Variants in TPTE observed in about 807,000 individuals in gnomAD.
TPTE encodes the protein transmembrane phosphatase with tensin homology.
A neutral mutation model predicts 84.1 loss-of-function variants in TPTE; 59 were observed. The observed-to-expected ratio is 0.70, with a 90% confidence interval of 0.57 to 0.87. TPTE has a LOEUF of 0.87. Among genes scored for constraint, TPTE ranks in the 40% least tolerant of loss-of-function variants. The pLI, the probability that TPTE is intolerant of heterozygous loss-of-function variation, is 0.00. For synonymous variants in TPTE, 130 were observed against 223.5 expected (o/e 0.58, Z 3.73); for missense variants, 382 against 659.6 (o/e 0.58, Z 4.61).
chr21:10,538,451 T>TCA, intron 3 of TPTE, among the ~76,000 whole-genome samples: 2 of 152,308 alleles, frequency 1.3e-5, no homozygotes, highest in Non-Finnish European at 2.9e-5. Context: ...ATAAAGAGGT[T>TCA]TATTTAAATC....
At chr21:10,564,166 A>T (rs2074866631) in intron 10 of TPTE, among the ~76,000 whole-genome samples, 1 of 152,288 alleles carries the variant, frequency 6.6e-6, no homozygotes, top group Non-Finnish European at 1.5e-5. Flanking sequence ...AATAAATAAA[A>T]TAAAAAAACC....
intron 14 of TPTE, among the ~76,000 whole-genome samples, chr21:10,571,726 G>A (rs527979752): frequency 2.0e-5 from 3 of 152,424 alleles, no homozygotes; most frequent in Non-Finnish European, 2.9e-5. Flanking sequence ...ACAATCAAGA[G>A]TCCAGGTGAA....
chr21:10,597,423 T>C, intron 20 of TPTE, among the ~76,000 whole-genome samples: 1 of 152,306 alleles, frequency 6.6e-6, no homozygotes, highest in East Asian at 1.9e-4. Flanking sequence ...TTTTTTTTTT[T>C]TTTTTTTTGG....
chr21:10,557,457 G>C (rs945708937), intron 8 of TPTE, among the ~76,000 whole-genome samples: 3 of 152,420 alleles, frequency 2.0e-5, no homozygotes, highest in African/African-American at 7.2e-5. Flanking sequence ...TGTCAGACTT[G>C]GTTCTGTATG....
chr21:10,554,543 T>G (rs1047431348), intron 8 of TPTE, among the ~76,000 whole-genome samples: 16 of 152,308 alleles, frequency 1.1e-4, no homozygotes, highest in African/African-American at 3.4e-4. Flanking sequence ...CTTTTCTGTC[T>G]TTGGACTGAA....
chr21:10,564,743 T>A (rs2074882735), intron 10 of TPTE, among the ~76,000 whole-genome samples: 1 of 152,304 alleles, frequency 6.6e-6, no homozygotes, highest in African/African-American at 2.4e-5. Context: ...CAGTAAAGGA[T>A]AAAAACCATA....
At chr21:10,543,798 T>C (rs1259979136) in intron 7 of TPTE, among the ~76,000 whole-genome samples, 1 of 152,306 alleles carries the variant, frequency 6.6e-6, no homozygotes, top group African/African-American at 2.4e-5. Context: ...CCTACCATAG[T>C]GTTCCAAGAA....
intron 20 of TPTE, among the ~76,000 whole-genome samples, chr21:10,596,583 C>G (rs977509530): frequency 1.3e-5 from 2 of 152,308 alleles, no homozygotes; most frequent in Non-Finnish European, 2.9e-5. Flanking sequence ...ATCTGTAACC[C>G]TCTCACTCCC....
intron 17 of TPTE, among the ~76,000 whole-genome samples, chr21:10,580,508 C>T (rs577549036): frequency 1.8e-4 from 27 of 152,346 alleles, no homozygotes; most frequent in African/African-American, 6.3e-4. Flanking sequence ...TAAGCATTTA[C>T]TTTGAGTTGA....
In TPTE at chr21:10,526,578, T is replaced by A. The variant is rs1214820175; in HGVS notation, c.-101-777T>A. On this transcript the variant is annotated intron_variant, in intron 2 of 23. Coordinates refer to ENST00000618007, the MANE Select transcript of TPTE (RefSeq NM_199261.4). ...GTATGTGATCAGTTTCTTAAACTTA[T>A]TTAAACGTTTGAAAAGTTAGAAAAT... Among the ~76,000 whole-genome samples the A allele has an allele frequency of 3.3e-5, 5 of 152,428 alleles. No individual in the cohort carries two copies. In the East Asian group the frequency reaches 9.6e-4, roughly 29 times the overall value.
chr21:10,564,059 CAGG>C (rs1274606565), intron 10 of TPTE, among the ~76,000 whole-genome samples: 3 of 152,306 alleles, frequency 2.0e-5, no homozygotes, highest in African/African-American at 7.2e-5. Flanking sequence ...GAGGCTGAGG[CAGG>C]AGAATCACTT....
chr21:10,587,255 A>G (rs1315149945), intron 17 of TPTE, among the ~76,000 whole-genome samples: 1 of 152,310 alleles, frequency 6.6e-6, no homozygotes, highest in African/African-American at 2.4e-5. Flanking sequence ...GGAAGTGCAT[A>G]TACAGGTTTA....
intron 17 of TPTE, among the ~76,000 whole-genome samples, chr21:10,587,185 C>T (rs1336763043): frequency 1.3e-5 from 2 of 152,294 alleles, no homozygotes; most frequent in South Asian, 2.1e-4. Context: ...TTTTAATAGG[C>T]AAAAGACTTT....
chr21:10,573,640 T>C (rs2075090186), intron 14 of TPTE, among the ~76,000 whole-genome samples: 1 of 152,310 alleles, frequency 6.6e-6, no homozygotes, highest in Non-Finnish European at 1.5e-5. Context: ...GATTTGATCA[T>C]TACACATTGT....
intron 17 of TPTE, among the ~76,000 whole-genome samples, chr21:10,589,383 T>C (rs564177005): frequency 4.7e-4 from 71 of 152,298 alleles, no homozygotes; most frequent in African/African-American, 1.7e-3. Flanking sequence ...GCTGGCTGTG[T>C]ACTTCATCCT....
At chr21:10,573,464 A>G (rs1292149027) in intron 14 of TPTE, among the ~76,000 whole-genome samples, 1 of 152,310 alleles carries the variant, frequency 6.6e-6, no homozygotes, top group African/African-American at 2.4e-5. Flanking sequence ...ACAAAGAAAT[A>G]TCAGATTTAA....
At chr21:10,532,667 TC>T (rs1226239446) in intron 3 of TPTE, among the ~76,000 whole-genome samples, 37 of 152,412 alleles carry the variant, frequency 2.4e-4, no homozygotes, top group African/African-American at 7.7e-4. Flanking sequence ...CTTCATTGTA[TC>T]CTACAAACTT....
chr21:10,556,876 T>C (rs2074694611), intron 8 of TPTE, among the ~76,000 whole-genome samples: 1 of 152,308 alleles, frequency 6.6e-6, no homozygotes, highest in Non-Finnish European at 1.5e-5. Context: ...TTTGCCCACT[T>C]TTTGATGGGG....
intron 13 of TPTE, 87 bp from the exon 14 acceptor site, chr21:10,570,398 G>T: frequency 6.3e-7 from 1 of 1,596,666 alleles, no homozygotes; most frequent in South Asian, 1.1e-5. Context: ...CTGTGAAAAT[G>T]GAATCTGATC....
Sources: gnomAD v4.1 joint callset for allele counts (sites outside exome capture counted in the v4.1 genomes callset) on GRCh38, gnomAD v4.1.1 for gene constraint, MANE v1.5 for transcripts, NCBI Gene and HGNC (gene_info 2026-07-23, HGNC 2026-07-21) for gene names.